Variants in STK24 observed in about 807,000 individuals in gnomAD.
STK24 encodes the protein serine/threonine kinase 24, also known as serine/threonine-protein kinase 24.
STK24 carries 21 observed loss-of-function variants against 55.6 expected under a neutral mutation model. The observed-to-expected ratio is 0.38, with a 90% CI of 0.27 to 0.54. STK24 has a LOEUF of 0.54. Among genes scored for constraint, STK24 ranks in the 20% least tolerant of loss-of-function variants. The probability of loss-of-function intolerance (pLI) is 0.79; values close to 1 mark genes in which losing one functional copy is unlikely to be tolerated. For synonymous variants in STK24, 200 were observed against 215.2 expected (o/e 0.93, Z 0.62); for missense variants, 383 against 538.4 (o/e 0.71, Z 2.86).
intron 1 of STK24, among the ~76,000 whole-genome samples, chr13:98,550,227 G>C (rs1214364617): frequency 1.3e-5 from 2 of 152,118 alleles, no homozygotes; most frequent in African/African-American, 4.8e-5. Context: ...AAGCTTTCTT[G>C]TTTCTTCTTT....
chr13:98,539,048 A>T (rs1896813078), intron 1 of STK24, among the ~76,000 whole-genome samples: 1 of 152,188 alleles, frequency 6.6e-6, no homozygotes, highest in African/African-American at 2.4e-5. Context: ...CCCAGACCTG[A>T]CATCCAGCTG....
intron 1 of STK24, among the ~76,000 whole-genome samples, chr13:98,528,775 T>C (rs1896501685): frequency 6.6e-6 from 1 of 152,180 alleles, no homozygotes; most frequent in Non-Finnish European, 1.5e-5. Flanking sequence ...ACTCAACTAC[T>C]CTGGTTGAAA....
chr13:98,521,461 G>A (rs1896257093), intron 1 of STK24, among the ~76,000 whole-genome samples: 1 of 152,150 alleles, frequency 6.6e-6, no homozygotes. Context: ...ATTTTTTCAA[G>A]TGAAGACTGT....
chr13:98,447,838 C>G lies in STK24; in HGVS notation c.*5335G>C, dbSNP rs1331949963. 2 of 182,890 alleles carry G rather than the reference C, an allele frequency of 1.1e-5. No homozygotes were observed. Among genetic ancestry groups the G allele is most frequent in the East Asian group, 3.3e-4 (2 of 6,064 alleles). 11.3% of individuals were successfully genotyped at this position (182,890 alleles called of 1,614,324 possible). Reference sequence around the variant, plus strand: ...CCAGTATGAGTGACAGAGCCAGACCCTGTCTCAAAAAAAAAAGAAAAAGAA... The same window carrying G: ...CCAGTATGAGTGACAGAGCCAGACCGTGTCTCAAAAAAAAAAGAAAAAGAA... On this transcript the variant is annotated 3_prime_UTR_variant, in exon 11 of 11. Transcript: ENST00000539966.
At position 98,475,027 on chromosome 13, in the gene STK24, C is replaced by T. The variant is rs376013416; in HGVS notation, c.440-49G>A. On this transcript the variant is annotated intron_variant, in intron 4 of 10. Coordinates refer to ENST00000539966, the MANE Select transcript of STK24 (RefSeq NM_001032296.4). ...CCTGGGCGGTGCGGACTTACAACTC[C>T]GTGCACTGCCACAAGCGCGTCTTCT... The T allele has an allele frequency of 3.5e-5, 55 of 1,555,000 alleles. No homozygotes were observed. In the South Asian group the frequency reaches 4.1e-4, roughly 12 times the overall value.
intron 1 of STK24, among the ~76,000 whole-genome samples, chr13:98,539,998 C>T (rs1427865780): frequency 2.0e-5 from 3 of 152,198 alleles, no homozygotes; most frequent in African/African-American, 7.2e-5. Flanking sequence ...AGACAACAAA[C>T]AGGTGGCCCA....
intron 2 of STK24, among the ~76,000 whole-genome samples, chr13:98,485,228 G>A (rs1566362116): frequency 6.6e-6 from 1 of 152,188 alleles, no homozygotes; most frequent in Non-Finnish European, 1.5e-5. Flanking sequence ...GGAGACCAGA[G>A]TTTTATTATT....
At chr13:98,525,841 T>C (rs532771435) in intron 1 of STK24, among the ~76,000 whole-genome samples, 169 of 152,266 alleles carry the variant, frequency 1.1e-3, no homozygotes, top group African/African-American at 4.0e-3. Context: ...CCTGTGGAGG[T>C]GTCTGACACA....
chr13:98,454,766 G>A (rs2139235874), intron 10 of STK24: 1 of 152,358 alleles, frequency 6.6e-6, no homozygotes, highest in African/African-American at 2.4e-5. Context: ...CGCTCAGTGG[G>A]AGCTTCAGGA....
chr13:98,498,095 C>T (rs1176708233), intron 2 of STK24, among the ~76,000 whole-genome samples: 1 of 152,194 alleles, frequency 6.6e-6, no homozygotes, highest in Non-Finnish European at 1.5e-5. Context: ...TCTTAAGATG[C>T]TAATGATGTT....
At chr13:98,456,846 G>T in intron 10 of STK24, 2 of 448,334 alleles carry the variant, frequency 4.5e-6, no homozygotes, top group South Asian at 4.8e-5. Flanking sequence ...ATCTGGCTAA[G>T]AACGATCATT....
intron 2 of STK24, among the ~76,000 whole-genome samples, chr13:98,489,596 A>G (rs1566364846): frequency 6.6e-6 from 1 of 152,208 alleles, no homozygotes; most frequent in East Asian, 1.9e-4. Flanking sequence ...GATGCCACAA[A>G]AGACAGGGAA....
At chr13:98,483,207 G>A (rs1444125329) in intron 2 of STK24, among the ~76,000 whole-genome samples, 3 of 152,238 alleles carry the variant, frequency 2.0e-5, no homozygotes, top group African/African-American at 7.2e-5. Context: ...CTAGGGGCCC[G>A]GGCAGCTGTC....
intron 2 of STK24, among the ~76,000 whole-genome samples, chr13:98,482,710 C>A (rs1157003877): frequency 6.6e-6 from 1 of 152,200 alleles, no homozygotes; most frequent in Non-Finnish European, 1.5e-5. Context: ...TCACACACAT[C>A]GGGAGAGCAG....
intron 2 of STK24, among the ~76,000 whole-genome samples, chr13:98,491,793 G>A (rs1190326482): frequency 2.0e-5 from 3 of 151,642 alleles, no homozygotes; most frequent in Admixed American, 1.3e-4. Flanking sequence ...ATATTGGGAT[G>A]AGAAATGAAT....
intron 6 of STK24, among the ~76,000 whole-genome samples, chr13:98,464,938 TCAC>T (rs1893873253): frequency 6.6e-6 from 1 of 152,212 alleles, no homozygotes; most frequent in South Asian, 2.1e-4. Flanking sequence ...TGGATGCGCT[TCAC>T]CACCAACTTT....
chr13:98,446,423 G>C lies in STK24; in HGVS notation c.*6750C>G, dbSNP rs2042966540. On this transcript the variant is annotated 3_prime_UTR_variant, in exon 11 of 11. Transcript: ENST00000539966. ...AAGGACAACTTCTGCCCTAGGAAGG[G>C]CCACCTGTCTTCTGCCTGGACAAGG... The C allele has an allele frequency of 1.7e-6, 1 of 602,286 alleles. No homozygotes were observed. Among genetic ancestry groups the C allele is most frequent in the Non-Finnish European group, 2.9e-6 (1 of 339,826 alleles). 37.3% of individuals were successfully genotyped at this position (602,286 alleles called of 1,614,324 possible).
chr13:98,521,564 G>A (rs1689692256), intron 1 of STK24, among the ~76,000 whole-genome samples: 1 of 152,070 alleles, frequency 6.6e-6, no homozygotes, highest in Non-Finnish European at 1.5e-5. Flanking sequence ...TCACTTTTGG[G>A]AATGCCACAG....
At chr13:98,514,932 T>C (rs1896003518) in intron 2 of STK24, among the ~76,000 whole-genome samples, 2 of 152,216 alleles carry the variant, frequency 1.3e-5, no homozygotes, top group East Asian at 1.9e-4. Flanking sequence ...CTCATCTTTA[T>C]AGTAATCATG....
Sources: allele counts gnomAD v4.1 joint callset (sites outside exome capture counted in the v4.1 genomes callset), GRCh38; gene constraint gnomAD v4.1.1; transcripts MANE v1.5; gene names NCBI Gene and HGNC (gene_info 2026-07-23, HGNC 2026-07-21).